Variants in KCNU1 observed in about 807,000 individuals in gnomAD.
The protein encoded by KCNU1 is potassium calcium-activated channel subfamily U member 1.
In KCNU1, 93 loss-of-function variants were observed where a neutral mutation model predicts 126.8. The observed-to-expected ratio is 0.73, with a 90% confidence interval of 0.62 to 0.87. KCNU1 has a LOEUF of 0.87. Among genes scored for constraint, KCNU1 ranks in the 40% least tolerant of loss-of-function variants. KCNU1 has a pLI of 0.00. For missense variants in KCNU1, 1,330 were observed against 1,367.1 expected, an observed-to-expected ratio of 0.97 and a Z score of 0.43; for synonymous variants, 523 against 494.2, an observed-to-expected ratio of 1.06 and a Z score of -0.77.
At chr8:36,868,665 A>T (rs1186218649) in intron 19 of KCNU1, among the ~76,000 whole-genome samples, 1 of 152,142 alleles carries the variant, frequency 6.6e-6, no homozygotes, top group Admixed American at 6.6e-5. Flanking sequence ...CTCTTCCCAT[A>T]GAATAAGCAA....
intron 24 of KCNU1, among the ~76,000 whole-genome samples, chr8:36,926,455 C>T (rs1327439961): frequency 1.3e-5 from 2 of 152,050 alleles, no homozygotes; most frequent in Non-Finnish European, 2.9e-5. Context: ...AGCAATTCCA[C>T]TTTCATCTGT....
intron 3 of KCNU1, 67 bp from the exon 4 acceptor site, chr8:36,805,128 G>T (rs1319061274): frequency 3.3e-5 from 36 of 1,102,316 alleles, no homozygotes; most frequent in Non-Finnish European, 4.8e-5. Flanking sequence ...TTTCCCTTTA[G>T]TTGGTCTTAT....
intron 22 of KCNU1, among the ~76,000 whole-genome samples, chr8:36,914,706 T>C (rs560198347): frequency 1.5e-4 from 23 of 152,290 alleles, no homozygotes; most frequent in African/African-American, 5.5e-4. Flanking sequence ...AATACTCTAA[T>C]TACTGCCCTG....
intron 10 of KCNU1, among the ~76,000 whole-genome samples, chr8:36,828,312 C>T (rs1804400069): frequency 6.6e-6 from 1 of 152,006 alleles, no homozygotes; most frequent in Non-Finnish European, 1.5e-5. Flanking sequence ...GTTGTAAGCA[C>T]CAATGCATGA....
chr8:36,920,601 G>A (rs1231677692), intron 23 of KCNU1, among the ~76,000 whole-genome samples: 2 of 152,184 alleles, frequency 1.3e-5, no homozygotes, highest in South Asian at 2.1e-4. Flanking sequence ...TTGCAGGTCT[G>A]TACCACTTTG....
chr8:36,824,600 C>G (rs866103579), intron 10 of KCNU1, among the ~76,000 whole-genome samples: 2 of 152,214 alleles, frequency 1.3e-5, no homozygotes, highest in Middle Eastern at 6.8e-3. Flanking sequence ...GCTAGCACAC[C>G]AACACAACCC....
At chr8:36,928,192 T>C (rs567531808) in intron 24 of KCNU1, among the ~76,000 whole-genome samples, 21 of 152,258 alleles carry the variant, frequency 1.4e-4, no homozygotes, top group African/African-American at 5.1e-4. Flanking sequence ...CTTTTGATGA[T>C]GCCAGAACTG....
At chr8:36,848,300 C>G (rs931912168) in intron 18 of KCNU1, among the ~76,000 whole-genome samples, 2 of 152,174 alleles carry the variant, frequency 1.3e-5, no homozygotes, top group Non-Finnish European at 2.9e-5. Flanking sequence ...TTTAATATAG[C>G]ACCATTTGTC....
intron 10 of KCNU1, among the ~76,000 whole-genome samples, chr8:36,827,701 G>C (rs1804376607): frequency 6.6e-6 from 1 of 152,150 alleles, no homozygotes; most frequent in Non-Finnish European, 1.5e-5. Context: ...AACATAAACA[G>C]AGCTCTCACT....
chr8:36,837,560 G>A (rs1216105640), intron 14 of KCNU1, among the ~76,000 whole-genome samples: 2 of 152,184 alleles, frequency 1.3e-5, no homozygotes, highest in Admixed American at 6.5e-5. Context: ...AAGTTAGTGA[G>A]CCGCAGAGCT....
At chr8:36,934,211 T>C (rs1333680371) in intron 26 of KCNU1, among the ~76,000 whole-genome samples, 2 of 152,224 alleles carry the variant, frequency 1.3e-5, no homozygotes, top group East Asian at 3.9e-4. Context: ...GTAAAGATCA[T>C]TGGGTACTGG....
chr8:36,791,757 G>GA (rs1483232748), intron 2 of KCNU1, among the ~76,000 whole-genome samples: 6 of 151,440 alleles, frequency 4.0e-5, no homozygotes, highest in Admixed American at 2.0e-4. Flanking sequence ...CAACCTCTCG[G>GA]AAAAAAAATG....
intron 24 of KCNU1, chr8:36,928,837 C>A: frequency 1.8e-6 from 1 of 567,302 alleles, no homozygotes; most frequent in Non-Finnish European, 3.1e-6. Context: ...TGAGGACAAC[C>A]AGTGTCAGAA....
At chr8:36,801,652 T>C (rs918169836) in intron 2 of KCNU1, among the ~76,000 whole-genome samples, 3 of 151,416 alleles carry the variant, frequency 2.0e-5, no homozygotes, top group Non-Finnish European at 4.4e-5. Flanking sequence ...ATTATCAATA[T>C]GCTGCTATTA....
intron 19 of KCNU1, among the ~76,000 whole-genome samples, chr8:36,873,148 T>C (rs1017991626): frequency 6.6e-6 from 1 of 152,116 alleles, no homozygotes; most frequent in African/African-American, 2.4e-5. Flanking sequence ...GGTGGCAAAG[T>C]GGCAGCAGAA....
At chr8:36,926,719 G>T (rs935113428) in intron 24 of KCNU1, among the ~76,000 whole-genome samples, 5 of 152,098 alleles carry the variant, frequency 3.3e-5, no homozygotes, top group African/African-American at 4.8e-5. Context: ...CACAAAGACT[G>T]TCTTCTGGGT....
intron 19 of KCNU1, among the ~76,000 whole-genome samples, chr8:36,900,434 C>A: frequency 6.6e-6 from 1 of 151,968 alleles, no homozygotes; most frequent in African/African-American, 2.4e-5. Flanking sequence ...AAAATTAAAT[C>A]ATAATATGGC....
chr8:36,835,487 A>C (rs1804714487), intron 12 of KCNU1, among the ~76,000 whole-genome samples: 1 of 151,936 alleles, frequency 6.6e-6, no homozygotes, highest in African/African-American at 2.4e-5. Context: ...GATTACAGGC[A>C]TGTGCCACCA....
chr8:36,897,475 A>G (rs573291702), intron 19 of KCNU1, among the ~76,000 whole-genome samples: 2 of 152,190 alleles, frequency 1.3e-5, no homozygotes, highest in Admixed American at 6.6e-5. Flanking sequence ...TCTTAGCTTC[A>G]AGGAATCCAA....
Sources: allele counts gnomAD v4.1 joint callset (sites outside exome capture counted in the v4.1 genomes callset), GRCh38; gene constraint gnomAD v4.1.1; transcripts MANE v1.5; gene names NCBI Gene and HGNC (gene_info 2026-07-23, HGNC 2026-07-21).